ZNF121: variants seen among roughly 807,000 people sequenced by gnomAD.
ZNF121 encodes zinc finger protein 121.
ZNF121 carries 1 observed loss-of-function variant against 2.4 expected under a neutral mutation model. The observed-to-expected ratio is 0.41, with a 90% CI of 0.15 to 1.94. The LOEUF (loss-of-function observed/expected upper bound fraction) is 1.94. Among genes scored for constraint, ZNF121 ranks in the 30% most tolerant of loss-of-function variants. The probability of loss-of-function intolerance (pLI) is 0.30; values close to 1 mark genes in which losing one functional copy is unlikely to be tolerated. For missense variants in ZNF121, 369 were observed against 466.3 expected (o/e 0.79, Z 1.92); for synonymous variants, 173 against 158.6 (o/e 1.09, Z -0.68).
At chr19:9,579,076 G>A (rs137861923) in intron 1 of ZNF121, among the ~76,000 whole-genome samples, 26 of 150,838 alleles carry the variant, frequency 1.7e-4, no homozygotes, top group Middle Eastern at 3.5e-3. Context: ...ACAGGTATAC[G>A]GAAAAAATGC....
At chr19:9,583,484 C>T (rs1376893908) in intron 1 of ZNF121, among the ~76,000 whole-genome samples, 1 of 133,256 alleles carries the variant, frequency 7.5e-6, no homozygotes, top group African/African-American at 3.2e-5. Flanking sequence ...TGCCACCAAG[C>T]CTGGCTTTTT....
At chr19:9,568,683 T>A (rs1003233966) in intron 2 of ZNF121, among the ~76,000 whole-genome samples, 1 of 152,268 alleles carries the variant, frequency 6.6e-6, no homozygotes, top group African/African-American at 2.4e-5. Flanking sequence ...AATTTAGTAA[T>A]TTTTTAAACA....
At chr19:9,582,584 A>T (rs1489693261) in intron 1 of ZNF121, among the ~76,000 whole-genome samples, 1 of 152,114 alleles carries the variant, frequency 6.6e-6, no homozygotes, top group Non-Finnish European at 1.5e-5. Flanking sequence ...CCAGGTGATT[A>T]AAAGCTTTAT....
rs1026061574 is a variant in ZNF121, at chr19:9,584,491, G to A, written c.-190C>T. On this transcript the variant is annotated 5_prime_UTR_variant, in exon 1 of 4. Transcript: ENST00000320451. Reference sequence around the variant, plus strand: ...CCAGGGTGGACTCCACCACGATAAAGGCGAAATGGCACTGACCATGCGGAG... The same window carrying A: ...CCAGGGTGGACTCCACCACGATAAAAGCGAAATGGCACTGACCATGCGGAG... The A allele has an allele frequency of 6.6e-6, 1 of 152,306 alleles. No homozygotes were observed. 9.4% of individuals were successfully genotyped at this position (152,306 alleles called of 1,614,324 possible).
At chr19:9,575,409 C>G (rs1229215828) in intron 1 of ZNF121, among the ~76,000 whole-genome samples, 1 of 151,776 alleles carries the variant, frequency 6.6e-6, no homozygotes, top group Non-Finnish European at 1.5e-5. Context: ...GGCAACAGAG[C>G]AAGATTTCAT....
At position 9,564,063 on chromosome 19, in the gene ZNF121, A is replaced by T. The variant is rs2074115421; in HGVS notation, c.*1877T>A. On this transcript the variant is annotated 3_prime_UTR_variant, in exon 4 of 4. Transcript: ENST00000320451. ...TCTGACTTTCAAGTCTTATTATTTA[A>T]GAAATACATTTCATAAGGCTATAGC... The T allele has an allele frequency of 6.6e-6, 1 of 152,224 alleles. No homozygotes were observed. The highest frequency in any genetic ancestry group is 2.1e-4 in the South Asian group (1 of 4,834). The allele number at this position is 152,224 out of a possible 1,614,324, so 9.4% of individuals were successfully genotyped here.
rs1418755599 is a variant in ZNF121, at chr19:9,564,298, C to G, written c.*1642G>C. 6.6e-6 allele frequency: 1 copy of G among 152,186 alleles called. No homozygotes were observed. The highest frequency in any genetic ancestry group is 1.5e-5 in the Non-Finnish European group (1 of 68,088). 9.4% of individuals were successfully genotyped at this position (152,186 alleles called of 1,614,324 possible). Reference sequence around the variant, plus strand: ...GGAGGATCACTTGAGGCCAGGAGTTCAAGGCTACAGTGTGCTCTCATCGTG... The same window carrying G: ...GGAGGATCACTTGAGGCCAGGAGTTGAAGGCTACAGTGTGCTCTCATCGTG... On this transcript the variant is annotated 3_prime_UTR_variant, in exon 4 of 4. Transcript: ENST00000320451.
At chr19:9,574,078 GT>G (rs2074193071) in intron 1 of ZNF121, among the ~76,000 whole-genome samples, 1 of 134,996 alleles carries the variant, frequency 7.4e-6, no homozygotes, top group African/African-American at 2.7e-5. Context: ...TGAAATGCTT[GT>G]TTCCCGGTGC....
At chr19:9,570,842 A>G (rs1297773364) in intron 1 of ZNF121, among the ~76,000 whole-genome samples, 2 of 152,134 alleles carry the variant, frequency 1.3e-5, no homozygotes, top group Admixed American at 6.6e-5. Flanking sequence ...CAGCCTCCCA[A>G]AGTGCTGGGA....
At chr19:9,578,100 T>C (rs935715157) in intron 1 of ZNF121, among the ~76,000 whole-genome samples, 2 of 150,758 alleles carry the variant, frequency 1.3e-5, no homozygotes, top group Non-Finnish European at 2.9e-5. Flanking sequence ...TGGGTGCCTG[T>C]AGTCCCAGCT....
At chr19:9,569,776 G>A (rs530972352) in intron 1 of ZNF121, among the ~76,000 whole-genome samples, 7 of 148,664 alleles carry the variant, frequency 4.7e-5, no homozygotes, top group South Asian at 2.1e-4. Flanking sequence ...CAGGTGATCC[G>A]CCCACCTCAG....
At chr19:9,577,750 A>T (rs1051382200) in intron 1 of ZNF121, among the ~76,000 whole-genome samples, 1 of 152,036 alleles carries the variant, frequency 6.6e-6, no homozygotes, top group Non-Finnish European at 1.5e-5. Flanking sequence ...ACTGACCAAA[A>T]AAAACGAAGC....
rs1255683561 is a variant in ZNF121, at chr19:9,563,310, A to T, written c.*2630T>A. 1 of 152,242 alleles carries T rather than the reference A, an allele frequency of 6.6e-6. No homozygotes were observed. Among genetic ancestry groups the T allele is most frequent in the African/African-American group, 2.4e-5 (1 of 41,458 alleles). 9.4% of individuals were successfully genotyped at this position (152,242 alleles called of 1,614,324 possible). On this transcript the variant is annotated 3_prime_UTR_variant, in exon 4 of 4. Transcript: ENST00000320451. ...CAAGGCCCTAACTCTAATTCTATGA[A>T]GGCTGAGAGGTGAGTTAGCTGCAGA... is the stretch of plus-strand genomic sequence containing the variant.
intron 3 of ZNF121, 91 bp downstream of exon 3, chr19:9,568,004 C>T (rs2074145938): frequency 2.2e-6 from 3 of 1,356,250 alleles, no homozygotes; most frequent in Non-Finnish European, 3.0e-6. Context: ...GTAAATGTTA[C>T]CTCTCTCAAA....
chr19:9,565,907 G>C lies in ZNF121; in HGVS notation c.*33C>G. 3 of 1,456,464 alleles carry C rather than the reference G, an allele frequency of 2.1e-6. No individual in the cohort carries two copies. Among genetic ancestry groups the C allele is most frequent in the Non-Finnish European group, 2.8e-6 (3 of 1,086,222 alleles). 90.2% of individuals were successfully genotyped at this position (1,456,464 alleles called of 1,614,324 possible). A position where few individuals can be genotyped will look rare whatever the true frequency, so the allele number is the denominator to read the frequency against. ...ATTATGGTATGAGAAATTCCTAAAAGATTTCCACATTCCTTACATTCAGAG... is the reference window on the plus strand; with the variant it reads ...ATTATGGTATGAGAAATTCCTAAAACATTTCCACATTCCTTACATTCAGAG... On this transcript the variant is annotated 3_prime_UTR_variant, in exon 4 of 4. Coordinates refer to ENST00000320451, the MANE Select transcript of ZNF121 (RefSeq NM_001008727.5).
chr19:9,582,592 T>C (rs2074255076), intron 1 of ZNF121, among the ~76,000 whole-genome samples: 1 of 152,146 alleles, frequency 6.6e-6, no homozygotes, highest in Non-Finnish European at 1.5e-5. Context: ...TTAAAAGCTT[T>C]ATTGCTCATA....
In ZNF121 at chr19:9,563,829, A is replaced by G. The variant is rs2074114199; in HGVS notation, c.*2111T>C. Reference sequence around the variant, plus strand: ...CCAAGAGCCAGTTAAGAATTATGCTACATCTACTCTTCCTGTGGTATCTAT... The same window carrying G: ...CCAAGAGCCAGTTAAGAATTATGCTGCATCTACTCTTCCTGTGGTATCTAT... On this transcript the variant is annotated 3_prime_UTR_variant, in exon 4 of 4. Transcript: ENST00000320451. 1 of 152,234 alleles carries G rather than the reference A, an allele frequency of 6.6e-6. No individual in the cohort carries two copies. Among genetic ancestry groups the G allele is most frequent in the South Asian group, 2.1e-4 (1 of 4,838 alleles). The allele number at this position is 152,234 out of a possible 1,614,324, so 9.4% of individuals were successfully genotyped here.
chr19:9,566,272 T>G lies in ZNF121; in HGVS notation c.841A>C (p.Ile281Leu). 3 of 1,614,132 alleles carry G rather than the reference T, an allele frequency of 1.9e-6. No individual in the cohort carries two copies. Among genetic ancestry groups the G allele is most frequent in the African/African-American group, 1.3e-5 (1 of 75,040 alleles). The change falls in exon 4 of 4, where the codon ATA (isoleucine) becomes CTA (leucine). Residue 281 changes from isoleucine to leucine, a missense_variant. By Grantham distance (5) the Ile-to-Leu change is conservative. Coordinates refer to ENST00000320451, the MANE Select transcript of ZNF121 (RefSeq NM_001008727.5). ...LKNHFRIHTG[I>L]KPYKCKECGK... The stretch of plus-strand genomic sequence containing the variant: ...CACTCCTTACATTTATAGGGTTTTA[T>G]TCCAGTGTGAATTCTAAAGTGATTC...
chr19:9,571,400 T>G (rs1243045829), intron 1 of ZNF121, among the ~76,000 whole-genome samples: 1 of 152,214 alleles, frequency 6.6e-6, no homozygotes, highest in Non-Finnish European at 1.5e-5. Flanking sequence ...ATTACCACAC[T>G]GAAATCATTC....
Sources: gnomAD v4.1 joint callset for allele counts (sites outside exome capture counted in the v4.1 genomes callset) on GRCh38, gnomAD v4.1.1 for gene constraint, MANE v1.5 for transcripts, NCBI Gene and HGNC (gene_info 2026-07-23, HGNC 2026-07-21) for gene names.